BMAL1: variants seen among roughly 807,000 people sequenced by gnomAD.
The protein encoded by BMAL1 is basic helix-loop-helix ARNT-like protein 1.
At chr11:13,339,330 G>T in the BMAL1 span, among the ~76,000 whole-genome samples, 1 of 152,030 alleles carries the variant, frequency 6.6e-6, no homozygotes, top group African/African-American at 2.4e-5. Flanking sequence ...GAATCCAGCT[G>T]CTTCTCATCA....
the BMAL1 span, chr11:13,376,473 A>G: frequency 1.7e-5 from 12 of 716,162 alleles, no homozygotes; most frequent in East Asian, 1.0e-4. Context: ...CCAGGATGCT[A>G]TCCATTATAT....
chr11:13,297,473 G>A, the BMAL1 span, among the ~76,000 whole-genome samples: 5 of 152,242 alleles, frequency 3.3e-5, no homozygotes, highest in South Asian at 4.1e-4. Context: ...GGACAAGAGC[G>A]CAGCAGGGAG....
the BMAL1 span, among the ~76,000 whole-genome samples, chr11:13,306,602 T>C: frequency 6.6e-6 from 1 of 151,680 alleles, no homozygotes; most frequent in South Asian, 2.1e-4. Context: ...ATCCAGGGAG[T>C]GTGCATTCTG....
chr11:13,304,924 G>T, the BMAL1 span, among the ~76,000 whole-genome samples: 3 of 152,236 alleles, frequency 2.0e-5, no homozygotes, highest in African/African-American at 7.2e-5. Flanking sequence ...CAGACAGGCT[G>T]CCCTACCTGA....
the BMAL1 span, chr11:13,276,713 G>T: frequency 6.6e-6 from 1 of 152,184 alleles, no homozygotes; most frequent in African/African-American, 2.4e-5. Context: ...AGAAGACGCT[G>T]TCCTTCTATT....
the BMAL1 span, among the ~76,000 whole-genome samples, chr11:13,316,319 G>T: frequency 6.6e-6 from 1 of 152,202 alleles, no homozygotes; most frequent in Non-Finnish European, 1.5e-5. Flanking sequence ...GTTGGTATGT[G>T]TGCATGTGTG....
chr11:13,316,947 T>A, the BMAL1 span, among the ~76,000 whole-genome samples: 1 of 152,148 alleles, frequency 6.6e-6, no homozygotes, highest in Non-Finnish European at 1.5e-5. Context: ...TCCCTGTCTG[T>A]CTAGCGTTGT....
the BMAL1 span, among the ~76,000 whole-genome samples, chr11:13,302,589 G>A: frequency 6.6e-6 from 1 of 152,198 alleles, no homozygotes; most frequent in Non-Finnish European, 1.5e-5. Flanking sequence ...TCTGTGTGTG[G>A]TTTATTTGAG....
the BMAL1 span, among the ~76,000 whole-genome samples, chr11:13,298,468 A>G: frequency 1.3e-5 from 2 of 152,052 alleles, no homozygotes; most frequent in Middle Eastern, 3.2e-3. Context: ...TTTTCCTCCT[A>G]GCACTTATCA....
chr11:13,360,228 A>C, the BMAL1 span: 1 of 845,766 alleles, frequency 1.2e-6, no homozygotes, highest in Non-Finnish European at 1.9e-6. Flanking sequence ...TAAACAATAA[A>C]ATTTAAATAC....
chr11:13,372,135 G>A, the BMAL1 span: 1 of 1,611,492 alleles, frequency 6.2e-7, no homozygotes, highest in Non-Finnish European at 8.5e-7. Flanking sequence ...ACCTAGTGCT[G>A]ACACTAACCA....
the BMAL1 span, among the ~76,000 whole-genome samples, chr11:13,370,857 G>T: frequency 6.6e-6 from 1 of 152,158 alleles, no homozygotes; most frequent in Non-Finnish European, 1.5e-5. Flanking sequence ...CTAAGCACAT[G>T]TGAGCCATGT....
chr11:13,348,072 C>A, the BMAL1 span, among the ~76,000 whole-genome samples: 1 of 152,146 alleles, frequency 6.6e-6, no homozygotes, highest in African/African-American at 2.4e-5. Context: ...GGAGCCTGGG[C>A]AGGAGCTGCT....
At chr11:13,375,663 A>G in the BMAL1 span, 10 of 1,595,548 alleles carry the variant, frequency 6.3e-6, no homozygotes, top group Non-Finnish European at 8.5e-6. Flanking sequence ...TTTAAAATCA[A>G]AGATGGTTCT....
chr11:13,356,910 C>T, the BMAL1 span: 57,630 of 1,585,570 alleles, frequency 0.036, 1,361 homozygotes, highest in South Asian at 0.095. Flanking sequence ...AGCCTGTGGG[C>T]GCTCACTGTG....
chr11:13,285,405 C>T, the BMAL1 span, among the ~76,000 whole-genome samples: 1 of 152,172 alleles, frequency 6.6e-6, no homozygotes, highest in Non-Finnish European at 1.5e-5. Context: ...AATAGTGAAA[C>T]ACGTTCATGC....
At chr11:13,338,715 A>G in the BMAL1 span, among the ~76,000 whole-genome samples, 1 of 152,180 alleles carries the variant, frequency 6.6e-6, no homozygotes, top group African/African-American at 2.4e-5. Context: ...AGCCCTTCTC[A>G]GCTGTGTGAT....
At chr11:13,381,657 A>G in the BMAL1 span, among the ~76,000 whole-genome samples, 1 of 152,224 alleles carries the variant, frequency 6.6e-6, no homozygotes, top group Non-Finnish European at 1.5e-5. Context: ...CAATGCCACC[A>G]GCAGTGCTTT....
chr11:13,386,470 A>T, the BMAL1 span: 164 of 1,040,478 alleles, frequency 1.6e-4, no homozygotes, highest in Middle Eastern at 1.3e-3. Flanking sequence ...ATGCAGCCCA[A>T]AAAGCAGCAT....
Sources: gnomAD v4.1 joint callset for allele counts (sites outside exome capture counted in the v4.1 genomes callset) on GRCh38, gnomAD v4.1.1 for gene constraint, MANE v1.5 for transcripts, NCBI Gene and HGNC (gene_info 2026-07-23, HGNC 2026-07-21) for gene names.